Variants in DRD2 observed in about 807,000 individuals in gnomAD.
DRD2 encodes D(2) dopamine receptor.
DRD2 carries 8 observed loss-of-function variants against 38.0 expected under a neutral mutation model. The ratio of observed to expected loss-of-function variants is 0.21; its 90% confidence interval spans 0.12 to 0.38. The LOEUF (loss-of-function observed/expected upper bound fraction) is 0.38, where lower values mean the gene tolerates loss of function less well. DRD2 is among the 10% of genes least tolerant of loss of function. The pLI, the probability that DRD2 is intolerant of heterozygous loss-of-function variation, is 1.00. For synonymous variants in DRD2, 230 were observed against 238.6 expected (o/e 0.96, Z 0.33); for missense variants, 403 against 607.7 (o/e 0.66, Z 3.54).
chr11:113,418,124 A>T lies in DRD2; in HGVS notation c.298T>A (p.Trp100Arg). The T allele has an allele frequency of 1.2e-6, 2 of 1,613,902 alleles. No homozygotes were observed. The highest frequency in any genetic ancestry group is 1.7e-6 in the Non-Finnish European group (2 of 1,179,904). Residue 100 changes from tryptophan to arginine, a missense_variant, in exon 3 of 8, where the codon TGG becomes AGG. By Grantham distance (101) the Trp-to-Arg change is moderately radical. Coordinates refer to ENST00000362072, the MANE Select transcript of DRD2 (RefSeq NM_000795.4). The part of the protein sequence containing the change: ...WVVYLEVVGE[W>R]KFSRIHCDIF... ...TCACAGTGAATCCTGCTGAATTTCC[A>T]CTCACCTACCACCTGGGGACAAAGC...
chr11:113,462,680 C>T (rs972081063), intron 1 of DRD2, among the ~76,000 whole-genome samples: 1 of 152,212 alleles, frequency 6.6e-6, no homozygotes, highest in Admixed American at 6.5e-5. Flanking sequence ...CAGAGGTTCT[C>T]CCACCTTCCC....
intron 2 of DRD2, among the ~76,000 whole-genome samples, chr11:113,418,921 G>A (rs1214978973): frequency 6.6e-6 from 1 of 152,198 alleles, no homozygotes; most frequent in East Asian, 1.9e-4. Context: ...GGCGGGCTGA[G>A]CATCTGGTTT....
At chr11:113,451,745 C>T (rs1025165920) in intron 1 of DRD2, among the ~76,000 whole-genome samples, 1 of 152,210 alleles carries the variant, frequency 6.6e-6, no homozygotes, top group Non-Finnish European at 1.5e-5. Context: ...TGGCCTCAGC[C>T]TCCCAAAGTG....
At chr11:113,424,288 AGTG>A in intron 2 of DRD2, 76 bp downstream of exon 2, 1 of 1,504,052 alleles carries the variant, frequency 6.6e-7, no homozygotes, top group Non-Finnish European at 9.1e-7. Context: ...GGTAAAAGCC[AGTG>A]GGGAGCTAGA....
At chr11:113,430,591 A>G (rs1446896664) in intron 1 of DRD2, among the ~76,000 whole-genome samples, 2 of 152,214 alleles carry the variant, frequency 1.3e-5, no homozygotes, top group African/African-American at 2.4e-5. Context: ...CTGCAGCTCC[A>G]GCCCATCCCT....
At chr11:113,474,747 G>A (rs1193375127) in intron 1 of DRD2, among the ~76,000 whole-genome samples, 1 of 151,048 alleles carries the variant, frequency 6.6e-6, no homozygotes, top group Non-Finnish European at 1.5e-5. Flanking sequence ...CCCGCCCTCC[G>A]ATGCCGCGGC....
At chr11:113,437,007 A>T (rs1487247881) in intron 1 of DRD2, among the ~76,000 whole-genome samples, 1 of 152,154 alleles carries the variant, frequency 6.6e-6, no homozygotes, top group African/African-American at 2.4e-5. Flanking sequence ...TTCTCATGAC[A>T]TAACAGCTTT....
rs769029308 is a variant in DRD2, at chr11:113,415,408, G to A, written c.723+13C>T. The A allele has an allele frequency of 6.2e-7, 1 of 1,606,196 alleles. No individual in the cohort carries two copies. The highest frequency in any genetic ancestry group is 2.2e-5 in the East Asian group (1 of 44,772). ...TGGGGACCCTTGGAGTTGGTTGGGG[G>A]GTGTCTTGAGACCTTTAGTGGAGCC... On this transcript the variant is annotated intron_variant, in intron 5 of 7. Transcript: ENST00000362072.
At chr11:113,420,937 G>T (rs1044486823) in intron 2 of DRD2, among the ~76,000 whole-genome samples, 6 of 152,144 alleles carry the variant, frequency 3.9e-5, no homozygotes, top group Non-Finnish European at 8.8e-5. Context: ...CTCACATAAA[G>T]CTGAGACCTG....
At chr11:113,437,229 C>A (rs921191601) in intron 1 of DRD2, among the ~76,000 whole-genome samples, 2 of 152,190 alleles carry the variant, frequency 1.3e-5, no homozygotes, top group African/African-American at 4.8e-5. Flanking sequence ...ATGCTACAGA[C>A]AAAGAAACAG....
chr11:113,450,261 C>T (rs532746553), intron 1 of DRD2, among the ~76,000 whole-genome samples: 1 of 152,296 alleles, frequency 6.6e-6, no homozygotes, highest in Non-Finnish European at 1.5e-5. Flanking sequence ...ATCCTCTACT[C>T]ACACCATCTA....
chr11:113,442,216 C>T (rs1229301518), intron 1 of DRD2, among the ~76,000 whole-genome samples: 1 of 152,212 alleles, frequency 6.6e-6, no homozygotes, highest in Middle Eastern at 3.2e-3. Context: ...GTCATTATGT[C>T]CAGTTCCACA....
At position 113,424,360 on chromosome 11, in the gene DRD2, C is replaced by T. The variant is rs76985854; in HGVS notation, c.285+7G>A. 1.4e-4 allele frequency: 233 copies of T among 1,613,830 alleles called. No individual in the cohort carries two copies. In the African/African-American group the frequency reaches 2.5e-3, roughly 17 times the overall value. Reference sequence around the variant, plus strand: ...AAAGTGCTGGAGCAAGCAGGGGGCCCACCTACCTCCAGGTAGACAACCCAG... The same window carrying T: ...AAAGTGCTGGAGCAAGCAGGGGGCCTACCTACCTCCAGGTAGACAACCCAG... On this transcript the variant is annotated splice_region_variant and intron_variant, in intron 2 of 7. Coordinates refer to ENST00000362072, the MANE Select transcript of DRD2 (RefSeq NM_000795.4).
intron 1 of DRD2, chr11:113,447,595 C>T (rs1201542014): frequency 6.6e-6 from 1 of 152,160 alleles, no homozygotes; most frequent in African/African-American, 2.4e-5. Flanking sequence ...AACAAACACA[C>T]ACGGGTTTGG....
rs111632069 is a variant in DRD2, at chr11:113,427,774, C to A, written c.-31-3092G>T. Among the ~76,000 whole-genome samples, 821 of 152,246 alleles carry A rather than the reference C, an allele frequency of 5.4e-3. 7 individuals carry two copies. Among genetic ancestry groups the A allele is most frequent in the African/African-American group, 0.018 (761 of 41,538 alleles). ...TTACAGTCTGCACTATGCTCTTCCCCCAACCCACAAAATGTATATGTTGAA... is the reference window on the plus strand; with the variant it reads ...TTACAGTCTGCACTATGCTCTTCCCACAACCCACAAAATGTATATGTTGAA... On this transcript the variant is annotated intron_variant, in intron 1 of 7. Transcript: ENST00000362072.
Position 113,412,953 on chromosome 11 carries a change from GCCCCTCCCTTTC to G in DRD2, c.811-82_811-71del, listed in dbSNP as rs1950784623. 17 of 1,502,006 alleles carry G rather than the reference GCCCCTCCCTTTC, an allele frequency of 1.1e-5. No homozygotes were observed. In the South Asian group the frequency reaches 1.9e-4, roughly 17 times the overall value. The allele number at this position is 1,502,006 out of a possible 1,614,324, so 93.0% of individuals were successfully genotyped here. A position where few individuals can be genotyped will look rare whatever the true frequency, so the allele number is the denominator to read the frequency against. On this transcript the variant is annotated intron_variant, in intron 6 of 7. Transcript: ENST00000362072. ...CAGGCATCAGCCACCCATCTCACTG[GCCCCTCCCTTTC>G]CCCCTCTGAAGACTCCTGCAAACAC...
intron 1 of DRD2, among the ~76,000 whole-genome samples, chr11:113,447,223 T>C (rs560428020): frequency 6.6e-6 from 1 of 152,322 alleles, no homozygotes; most frequent in Non-Finnish European, 1.5e-5. Flanking sequence ...CTCTGTTCTG[T>C]TGTGCCCATG....
intron 2 of DRD2, among the ~76,000 whole-genome samples, chr11:113,421,271 C>G (rs891451738): frequency 1.3e-5 from 2 of 152,158 alleles, no homozygotes; most frequent in African/African-American, 4.8e-5. Flanking sequence ...GGGGACTGCT[C>G]CACTGTCACC....
rs1468587931 is a variant in DRD2 at position 113,410,062 on chromosome 11, A to T, written c.*665T>A. The stretch of plus-strand genomic sequence containing the variant: ...AGACCCTCCTGGGCCCTTCAAGATG[A>T]GGGCTCCTCTTCTCAGAGCATGTGG... On this transcript the variant is annotated 3_prime_UTR_variant, in exon 8 of 8. Coordinates refer to ENST00000362072, the MANE Select transcript of DRD2 (RefSeq NM_000795.4). 1 of 158,084 alleles carries T rather than the reference A, an allele frequency of 6.3e-6. No homozygotes were observed. The highest frequency in any genetic ancestry group is 1.4e-5 in the Non-Finnish European group (1 of 71,582). The allele number at this position is 158,084 out of a possible 1,614,324, so 9.8% of individuals were successfully genotyped here.
Sources: gnomAD v4.1 joint callset for allele counts (sites outside exome capture counted in the v4.1 genomes callset) on GRCh38, gnomAD v4.1.1 for gene constraint, MANE v1.5 for transcripts, NCBI Gene and HGNC (gene_info 2026-07-23, HGNC 2026-07-21) for gene names.